Variants in DGKB observed in about 807,000 individuals in gnomAD.
The protein encoded by DGKB is 90 kDa diacylglycerol kinase.
DGKB carries 67 observed loss-of-function variants against 114.3 expected under a neutral mutation model. That is an observed-to-expected ratio of 0.59 (90% CI 0.48 to 0.72). The LOEUF is 0.72. Among genes scored for constraint, DGKB ranks in the 30% least tolerant of loss-of-function variants. The probability of loss-of-function intolerance (pLI) is 0.00; values close to 1 mark genes in which losing one functional copy is unlikely to be tolerated. For missense variants in DGKB, 907 were observed against 975.2 expected (o/e 0.93, Z 0.93); for synonymous variants, 398 against 323.1 (o/e 1.23, Z -2.49).
At chr7:14,971,885 C>T (rs1787495223) in intron 1 of DGKB, among the ~76,000 whole-genome samples, 1 of 151,640 alleles carries the variant, frequency 6.6e-6, no homozygotes. Flanking sequence ...GACTCAGCAT[C>T]CTGTGTAGCT....
At chr7:14,855,324 C>T (rs1849976333) in intron 1 of DGKB, among the ~76,000 whole-genome samples, 1 of 152,156 alleles carries the variant, frequency 6.6e-6, no homozygotes, top group African/African-American at 2.4e-5. Context: ...AAGGTTCCTT[C>T]AGAGACAAAA....
chr7:14,691,812 G>A (rs2128990767), intron 9 of DGKB, among the ~76,000 whole-genome samples: 1 of 151,688 alleles, frequency 6.6e-6, no homozygotes, highest in Middle Eastern at 3.4e-3. Context: ...AGGTGCCTCT[G>A]CCATCTAGCG....
At chr7:14,486,370 T>C (rs1333807828) in intron 20 of DGKB, among the ~76,000 whole-genome samples, 1 of 152,120 alleles carries the variant, frequency 6.6e-6, no homozygotes, top group African/African-American at 2.4e-5. Context: ...GGAAACCACA[T>C]AGGATCATGC....
intron 2 of DGKB, among the ~76,000 whole-genome samples, chr7:14,784,785 G>A (rs1331634593): frequency 6.7e-6 from 1 of 149,670 alleles, no homozygotes; most frequent in Non-Finnish European, 1.5e-5. Context: ...TTGCCCCAGG[G>A]CAACCTGGCT....
chr7:14,218,894 A>G (rs1300835371), intron 23 of DGKB, among the ~76,000 whole-genome samples: 1 of 151,820 alleles, frequency 6.6e-6, no homozygotes, highest in African/African-American at 2.4e-5. Flanking sequence ...TCTTTTAGAT[A>G]TTGCTGCTGT....
At chr7:14,854,332 G>C (rs1849811917) in intron 1 of DGKB, among the ~76,000 whole-genome samples, 1 of 152,124 alleles carries the variant, frequency 6.6e-6, no homozygotes, top group Non-Finnish European at 1.5e-5. Flanking sequence ...TAAATCTGTT[G>C]TGTAAGACAC....
At chr7:14,654,772 C>A (rs1433094475) in intron 13 of DGKB, among the ~76,000 whole-genome samples, 1 of 151,876 alleles carries the variant, frequency 6.6e-6, no homozygotes, top group Admixed American at 6.6e-5. Flanking sequence ...AGAACATACA[C>A]TGGGGAAAAG....
At chr7:14,885,888 C>G (rs1854975015) in intron 1 of DGKB, among the ~76,000 whole-genome samples, 1 of 151,778 alleles carries the variant, frequency 6.6e-6, no homozygotes, top group Non-Finnish European at 1.5e-5. Flanking sequence ...CAAGCTAAAT[C>G]TACAGAATTT....
chr7:14,646,242 A>G (rs1171230902), intron 13 of DGKB, among the ~76,000 whole-genome samples: 1 of 152,220 alleles, frequency 6.6e-6, no homozygotes, highest in African/African-American at 2.4e-5. Flanking sequence ...CAGACAAAGT[A>G]GACTTTAAGT....
At chr7:14,441,305 C>A (rs2128812543) in intron 21 of DGKB, among the ~76,000 whole-genome samples, 1 of 152,184 alleles carries the variant, frequency 6.6e-6, no homozygotes, top group South Asian at 2.1e-4. Flanking sequence ...CCACGCCCGA[C>A]CCATATCTTT....
chr7:14,689,936 T>C (rs1227687148), intron 9 of DGKB, among the ~76,000 whole-genome samples: 1 of 152,134 alleles, frequency 6.6e-6, no homozygotes. Flanking sequence ...AAGGCAAAGT[T>C]TAAATGACCT....
intron 21 of DGKB, among the ~76,000 whole-genome samples, chr7:14,388,942 A>G (rs1164921067): frequency 6.6e-6 from 1 of 152,196 alleles, no homozygotes; most frequent in Non-Finnish European, 1.5e-5. Context: ...TTGTTAACTC[A>G]TTCTAAGCAT....
At chr7:14,631,869 G>A (rs1334423142) in intron 13 of DGKB, among the ~76,000 whole-genome samples, 2 of 151,890 alleles carry the variant, frequency 1.3e-5, no homozygotes, top group East Asian at 3.9e-4. Context: ...TTCAAATTCA[G>A]GTCAGGAATG....
At chr7:14,881,308 G>A (rs756889717) in intron 1 of DGKB, among the ~76,000 whole-genome samples, 18 of 152,096 alleles carry the variant, frequency 1.2e-4, no homozygotes, top group Non-Finnish European at 2.4e-4. Flanking sequence ...TTATTCTGTT[G>A]AATTATTTCC....
chr7:14,515,939 A>T (rs1434793004), intron 20 of DGKB, among the ~76,000 whole-genome samples: 3 of 152,002 alleles, frequency 2.0e-5, no homozygotes, highest in Non-Finnish European at 4.4e-5. Flanking sequence ...TGACCTCCTA[A>T]GCTCAAGCGA....
At chr7:14,350,508 G>A (rs987136658) in intron 21 of DGKB, among the ~76,000 whole-genome samples, 2 of 151,932 alleles carry the variant, frequency 1.3e-5, no homozygotes, top group Non-Finnish European at 2.9e-5. Context: ...TACAGAGGGC[G>A]ATGAAATTAT....
At chr7:14,530,088 AG>A in intron 20 of DGKB, among the ~76,000 whole-genome samples, 1 of 151,800 alleles carries the variant, frequency 6.6e-6, no homozygotes, top group East Asian at 1.9e-4. Context: ...AGCTCATTAA[AG>A]GTGTCTGCTT....
At chr7:14,819,166 C>G (rs936611782) in intron 2 of DGKB, among the ~76,000 whole-genome samples, 2 of 152,062 alleles carry the variant, frequency 1.3e-5, no homozygotes, top group Admixed American at 6.6e-5. Context: ...TCATCTAATA[C>G]ATACAGAGTA....
At chr7:14,235,994 A>T (rs2057971) in intron 23 of DGKB, among the ~76,000 whole-genome samples, 31,155 of 151,946 alleles carry the variant, frequency 0.21, 3,580 homozygotes, top group Middle Eastern at 0.26. Flanking sequence ...CACAAAAACA[A>T]TTTATGCTAC....
Sources: allele counts gnomAD v4.1 joint callset (sites outside exome capture counted in the v4.1 genomes callset), GRCh38; gene constraint gnomAD v4.1.1; transcripts MANE v1.5; gene names NCBI Gene and HGNC (gene_info 2026-07-23, HGNC 2026-07-21).